Variants in DNAJC16 observed in about 807,000 individuals in gnomAD.
The protein encoded by DNAJC16 is dnaJ homolog subfamily C member 16.
In DNAJC16, 76 loss-of-function variants were observed where a neutral mutation model predicts 92.7. That is an observed-to-expected ratio of 0.82 (90% CI 0.68 to 0.99). The LOEUF (loss-of-function observed/expected upper bound fraction) is 0.99. DNAJC16 is among the 50% of genes least tolerant of loss of function. The probability of loss-of-function intolerance (pLI) is 0.00; values close to 1 mark genes in which losing one functional copy is unlikely to be tolerated. For missense variants in DNAJC16, 869 were observed against 942.4 expected (o/e 0.92, Z 1.02); for synonymous variants, 328 against 358.7 (o/e 0.91, Z 0.97).
Position 15,546,775 on chromosome 1 carries a change from T to A in DNAJC16, c.768T>A (p.Asn256Lys). The A allele has an allele frequency of 6.2e-7, 1 of 1,611,790 alleles. No individual in the cohort carries two copies. Among genetic ancestry groups the A allele is most frequent in the Non-Finnish European group, 8.5e-7 (1 of 1,178,958 alleles). ...LPGNLVEKVTNKNYVRFLSGW... is the reference protein window; with the variant it reads ...LPGNLVEKVTKKNYVRFLSGW... ...TCTATTTTCAATTTAAGGTTACAAA[T>A]AAAAATTACGTCAGATTCCTCTCTG... The change falls in exon 6 of 15, where the codon AAT (asparagine) becomes AAA (lysine). Residue 256 changes from asparagine to lysine, a missense_variant. Physicochemically the swap from Asn to Lys is moderately conservative, Grantham distance 94. Coordinates refer to ENST00000375847, the MANE Select transcript of DNAJC16 (RefSeq NM_015291.4).
chr1:15,528,215 C>T (rs1710566452), intron 1 of DNAJC16, among the ~76,000 whole-genome samples: 1 of 152,166 alleles, frequency 6.6e-6, no homozygotes, highest in Non-Finnish European at 1.5e-5. Context: ...GGTGGATCAC[C>T]TGAGGTCAGG....
Position 15,568,054 on chromosome 1 carries a change from T to C in DNAJC16, c.2226T>C (p.Pro742=). The part of the protein sequence containing the change: ...SLYLGESRGK[P]SCGLGSRPIK... ...ACCTGGGTGAATCTCGAGGGAAACC[T>C]TCCTGTGGCCTTGGATCCAGGCCCA... The change falls in exon 15 of 15, where the codon CCT becomes CCC. Residue 742 remains proline (P), a synonymous_variant. Transcript: ENST00000375847. 1 of 1,614,194 alleles carries C rather than the reference T, an allele frequency of 6.2e-7. No individual in the cohort carries two copies. The highest frequency in any genetic ancestry group is 1.1e-5 in the South Asian group (1 of 91,084).
chr1:15,541,162 A>C (rs144751492), intron 4 of DNAJC16, among the ~76,000 whole-genome samples: 1 of 152,326 alleles, frequency 6.6e-6, no homozygotes, highest in East Asian at 1.9e-4. Flanking sequence ...TCAAGAAGTG[A>C]TAATCCCTCC....
Position 15,529,196 on chromosome 1 carries a change from TAC to T in DNAJC16, c.93_94del (p.Tyr31Ter). 6.2e-7 allele frequency: 1 copy of T among 1,614,094 alleles called. No individual in the cohort carries two copies. Among genetic ancestry groups the T allele is most frequent in the Non-Finnish European group, 8.5e-7 (1 of 1,179,990 alleles). Reference protein sequence around the residue: ...QILSALDFDPYRVLGVSRTAS... With the variant: ...QILSALDFDPXRVLGVSRTAS... ...TCTGTCTGCGTTGGATTTTGACCCA[TAC>T]AGAGTCCTAGGGGTCAGCCGAACAG... On this transcript the variant is annotated frameshift_variant, in exon 2 of 15. Coordinates refer to ENST00000375847, the MANE Select transcript of DNAJC16 (RefSeq NM_015291.4). LOFTEE classifies it high-confidence loss of function.
intron 3 of DNAJC16, 38 bp downstream of exon 3, chr1:15,534,341 T>C (rs1385044653): frequency 6.2e-7 from 1 of 1,603,622 alleles, no homozygotes; most frequent in East Asian, 2.2e-5. Context: ...CATTAGCTCT[T>C]ACAAAATATG....
At chr1:15,559,694 A>G (rs1329088043) in intron 8 of DNAJC16, 38 bp downstream of exon 8, 19 of 1,605,514 alleles carry the variant, frequency 1.2e-5, no homozygotes, top group Non-Finnish European at 1.5e-5. Flanking sequence ...TGTTATTACA[A>G]TAGAAGGATC....
chr1:15,559,490 T>C, intron 7 of DNAJC16, 36 bp from the exon 8 acceptor site: 1 of 1,612,596 alleles, frequency 6.2e-7, no homozygotes, highest in Non-Finnish European at 8.5e-7. Context: ...TTGAGAACAC[T>C]GCATAAAATC....
rs756510307 is a variant in DNAJC16, at chr1:15,562,261, A to G, written c.1274A>G (p.Asn425Ser). The G allele has an allele frequency of 9.3e-6, 15 of 1,614,142 alleles. No homozygotes were observed. Among genetic ancestry groups the G allele is most frequent in the Non-Finnish European group, 1.3e-5 (15 of 1,179,964 alleles). Residue 425 changes from asparagine (N) to serine (S), a missense_variant, in exon 9 of 15, where the codon AAT becomes AGT. Coordinates refer to ENST00000375847, the MANE Select transcript of DNAJC16 (RefSeq NM_015291.4). ...GTGAGATTTGTGCATGTCTACAGCA[A>G]TCGGCAGCAGGAGTTTGCCGACACC... ...DTVRFVHVYS[N>S]RQQEFADTLL...
Position 15,552,774 on chromosome 1 carries a change from T to A in DNAJC16, c.1023+4346T>A, listed in dbSNP as rs558406255. Reference sequence around the variant, plus strand: ...GTCTTTTTATTATTATTATTTATTTTTTTTTTTTTTGGAGACACAGTCTTG... The same window carrying A: ...GTCTTTTTATTATTATTATTTATTTATTTTTTTTTTGGAGACACAGTCTTG... On this transcript the variant is annotated intron_variant, in intron 7 of 14. Coordinates refer to ENST00000375847, the MANE Select transcript of DNAJC16 (RefSeq NM_015291.4). 7.7e-4 allele frequency among the ~76,000 whole-genome samples: 113 copies of A among 146,900 alleles called. 2 individuals are homozygous for A. Among genetic ancestry groups the A allele is most frequent in the East Asian group, 5.8e-4 (3 of 5,154 alleles).
chr1:15,528,169 A>G (rs2103398878), intron 1 of DNAJC16, among the ~76,000 whole-genome samples: 1 of 152,374 alleles, frequency 6.6e-6, no homozygotes, highest in East Asian at 1.9e-4. Flanking sequence ...GCGATGGCTC[A>G]CGCCTGTAAT....
Position 15,544,428 on chromosome 1 carries a change from T to C in DNAJC16, c.604T>C (p.Tyr202His). Residue 202 changes from tyrosine (Y) to histidine (H), a missense_variant, in exon 5 of 15, where the codon TAT (tyrosine) becomes CAT (histidine). Physicochemically the swap from Tyr to His is moderately conservative, Grantham distance 83. Transcript: ENST00000375847. Reference sequence around the variant, plus strand: ...AGGAATTGGCGTGGTCCATGCTGGGTATGAGAGACGCCTGGCCCATCACCT... The same window carrying C: ...AGGAATTGGCGTGGTCCATGCTGGGCATGAGAGACGCCTGGCCCATCACCT... ...GVGIGVVHAG[Y>H]ERRLAHHLGA... 2 of 1,613,992 alleles carry C rather than the reference T, an allele frequency of 1.2e-6. No individual in the cohort carries two copies. The highest frequency in any genetic ancestry group is 1.7e-6 in the Non-Finnish European group (2 of 1,179,900).
chr1:15,535,122 T>G (rs1157106093), intron 3 of DNAJC16, among the ~76,000 whole-genome samples: 2 of 152,190 alleles, frequency 1.3e-5, no homozygotes, highest in Non-Finnish European at 2.9e-5. Context: ...ATTCCTGAAT[T>G]TTAGACTTCA....
intron 7 of DNAJC16, among the ~76,000 whole-genome samples, chr1:15,559,075 G>A (rs1426327415): frequency 6.6e-6 from 1 of 152,082 alleles, no homozygotes; most frequent in Non-Finnish European, 1.5e-5. Flanking sequence ...AAGTAGCTGG[G>A]ACTACAGACA....
At chr1:15,549,168 C>T (rs925783040) in intron 7 of DNAJC16, among the ~76,000 whole-genome samples, 2 of 152,136 alleles carry the variant, frequency 1.3e-5, no homozygotes, top group African/African-American at 2.4e-5. Context: ...TACCTGAAAC[C>T]ATGGAAACCA....
intron 6 of DNAJC16, 126 bp downstream of exon 6, chr1:15,546,997 TC>T: frequency 1.3e-6 from 1 of 748,012 alleles, no homozygotes; most frequent in South Asian, 1.9e-5. Flanking sequence ...AGAAACAGTT[TC>T]ATCCATGAGA....
At chr1:15,546,353 G>A (rs1226259218) in intron 5 of DNAJC16, among the ~76,000 whole-genome samples, 1 of 152,162 alleles carries the variant, frequency 6.6e-6, no homozygotes, top group Non-Finnish European at 1.5e-5. Flanking sequence ...ACTGAGGTGT[G>A]ATAGATAGAT....
chr1:15,542,511 T>C (rs1454163858), intron 4 of DNAJC16, among the ~76,000 whole-genome samples: 1 of 152,208 alleles, frequency 6.6e-6, no homozygotes, highest in Admixed American at 6.5e-5. Flanking sequence ...TTATACCTAA[T>C]GAGTAACCAT....
intron 4 of DNAJC16, among the ~76,000 whole-genome samples, chr1:15,539,322 T>G (rs914141556): frequency 2.0e-5 from 3 of 152,040 alleles, no homozygotes; most frequent in Non-Finnish European, 4.4e-5. Flanking sequence ...CTCTGCTCAC[T>G]GCAAGCTCCG....
At position 15,548,307 on chromosome 1, in the gene DNAJC16, G is replaced by C. The variant is rs773312842; in HGVS notation, c.902G>C (p.Gly301Ala). 3 of 1,614,080 alleles carry C rather than the reference G, an allele frequency of 1.9e-6. No homozygotes were observed. The highest frequency in any genetic ancestry group is 2.5e-6 in the Non-Finnish European group (3 of 1,179,982). The change falls in exon 7 of 15, where the codon GGA becomes GCA. Residue 301 changes from glycine to alanine, a missense_variant. Gly to Ala is a moderately conservative substitution (Grantham distance 60). Coordinates refer to ENST00000375847, the MANE Select transcript of DNAJC16 (RefSeq NM_015291.4). ...GCATACAAAGATTATTTATCATTTG[G>C]ATATGTATATGTGGGTTTGAGAGGG... ...AFAYKDYLSF[G>A]YVYVGLRGTE...
Sources: gnomAD v4.1 joint callset for allele counts (sites outside exome capture counted in the v4.1 genomes callset) on GRCh38, gnomAD v4.1.1 for gene constraint, MANE v1.5 for transcripts, NCBI Gene and HGNC (gene_info 2026-07-23, HGNC 2026-07-21) for gene names.